Variants in GRIA2 observed in about 807,000 individuals in gnomAD.
GRIA2 encodes glutamate receptor 2.
Under a neutral mutation model 97.3 loss-of-function variants are expected in GRIA2, and 14 were observed. That is an observed-to-expected ratio of 0.14 (90% CI 0.10 to 0.23). The LOEUF is 0.23. GRIA2 is among the 10% of genes least tolerant of loss of function. The pLI is 1.00. For synonymous variants in GRIA2, 412 were observed against 387.8 expected (o/e 1.06, Z -0.73); for missense variants, 558 against 1,069.8 (o/e 0.52, Z 6.67).
At chr4:157,354,482 T>C (rs1211026721) in intron 12 of GRIA2, among the ~76,000 whole-genome samples, 1 of 152,190 alleles carries the variant, frequency 6.6e-6, no homozygotes, top group Non-Finnish European at 1.5e-5. Context: ...TGGACTGATA[T>C]GCCTATTAAT....
intron 2 of GRIA2, among the ~76,000 whole-genome samples, chr4:157,261,546 T>G (rs1731535244): frequency 6.6e-6 from 1 of 152,264 alleles, no homozygotes; most frequent in Admixed American, 6.5e-5. Flanking sequence ...TTGACTAAAC[T>G]TATTTAGCTA....
chr4:157,341,144 C>T, intron 11 of GRIA2, 120 bp from the exon 12 acceptor site: 1 of 700,068 alleles, frequency 1.4e-6, no homozygotes, highest in Non-Finnish European at 2.5e-6. Context: ...CTAGTAGATA[C>T]ATTGAAAAAT....
intron 2 of GRIA2, among the ~76,000 whole-genome samples, chr4:157,242,054 A>G (rs1197216868): frequency 6.6e-6 from 1 of 151,986 alleles, no homozygotes; most frequent in African/African-American, 2.4e-5. Flanking sequence ...TATATTCACA[A>G]TTTTATCTTT....
intron 12 of GRIA2, among the ~76,000 whole-genome samples, chr4:157,354,846 A>G (rs981940468): frequency 1.1e-4 from 17 of 152,172 alleles, no homozygotes; most frequent in African/African-American, 3.9e-4. Context: ...GAGCTTGGGC[A>G]GTGGCGCAAC....
intron 2 of GRIA2, among the ~76,000 whole-genome samples, chr4:157,275,641 C>T (rs1160304466): frequency 6.6e-6 from 1 of 152,102 alleles, no homozygotes; most frequent in Non-Finnish European, 1.5e-5. Flanking sequence ...TTCCCCATTT[C>T]TTGTTTTTGT....
chr4:157,307,638 G>A (rs1338022454), intron 3 of GRIA2, among the ~76,000 whole-genome samples: 1 of 152,136 alleles, frequency 6.6e-6, no homozygotes, highest in East Asian at 1.9e-4. Context: ...TTTATTTTTG[G>A]ATATATATGT....
intron 2 of GRIA2, among the ~76,000 whole-genome samples, chr4:157,284,523 C>T (rs1165963709): frequency 6.6e-6 from 1 of 151,734 alleles, no homozygotes; most frequent in Non-Finnish European, 1.5e-5. Context: ...ATGCGGCACC[C>T]AGTTCAAGAC....
chr4:157,332,764 C>A, intron 6 of GRIA2, 55 bp from the exon 7 acceptor site: 3 of 1,313,876 alleles, frequency 2.3e-6, no homozygotes, highest in South Asian at 2.5e-5. Flanking sequence ...TGCTGGGGTG[C>A]AGTGAGTTTC....
chr4:157,249,759 T>C (rs1730942301), intron 2 of GRIA2: 1 of 152,184 alleles, frequency 6.6e-6, no homozygotes, highest in Non-Finnish European at 1.5e-5. Flanking sequence ...ACGCTAAGGA[T>C]GTATTTACTG....
chr4:157,221,689 C>G lies in GRIA2; in HGVS notation c.111C>G (p.Ala37=). The G allele has an allele frequency of 6.2e-7, 1 of 1,613,952 alleles. No homozygotes were observed. Among genetic ancestry groups the G allele is most frequent in the Non-Finnish European group, 8.5e-7 (1 of 1,179,916 alleles). Residue 37 remains alanine (A), a synonymous_variant, in exon 2 of 16, where the codon GCC becomes GCG. Transcript: ENST00000264426. The part of the protein sequence containing the change: ...IQIGGLFPRG[A]DQEYSAFRVG... The stretch of plus-strand genomic sequence containing the variant: ...CAGGGGGGCTATTTCCTAGGGGCGC[C>G]GATCAAGAATACAGTGCATTTCGAG...
At chr4:157,304,587 T>C (rs1733756807) in intron 3 of GRIA2, among the ~76,000 whole-genome samples, 1 of 152,138 alleles carries the variant, frequency 6.6e-6, no homozygotes, top group African/African-American at 2.4e-5. Context: ...CTTGTGTGTG[T>C]GTGTTCATAT....
At position 157,361,629 on chromosome 4, in the gene GRIA2, G is replaced by A; in HGVS notation, c.2406+505G>A. ...ATGGTGGTACGATAAAGGTGAATGT[G>A]GAGCCAAGGACTCTGGAAGTAAGGT... On this transcript the variant is annotated intron_variant, in intron 14 of 15. Coordinates refer to ENST00000264426, the MANE Select transcript of GRIA2 (RefSeq NM_001083619.3). The surrounding 1 kb of genome is among the most constrained non-coding windows in gnomAD (Gnocchi z 5.2). 1.9e-6 allele frequency: 3 copies of A among 1,611,864 alleles called. 1 individual carries two copies. In the South Asian group the frequency reaches 3.3e-5, roughly 18 times the overall value.
chr4:157,321,721 A>G (rs1210043294), intron 6 of GRIA2, 122 bp downstream of exon 6: 1 of 628,036 alleles, frequency 1.6e-6, no homozygotes, highest in South Asian at 2.1e-5. Context: ...AAATATGGCA[A>G]ACATATTGAC....
chr4:157,288,222 C>T (rs1243172270), intron 2 of GRIA2, among the ~76,000 whole-genome samples: 1 of 151,536 alleles, frequency 6.6e-6, no homozygotes, highest in Non-Finnish European at 1.5e-5. Flanking sequence ...AATTGAATCT[C>T]TAAATTGAAA....
intron 12 of GRIA2, among the ~76,000 whole-genome samples, chr4:157,352,883 A>G (rs868220763): frequency 9.9e-5 from 15 of 151,770 alleles, no homozygotes; most frequent in African/African-American, 3.6e-4. Context: ...GCATAGTGAA[A>G]CCCTGTCTCT....
At chr4:157,344,478 T>C (rs1735683904) in intron 12 of GRIA2, among the ~76,000 whole-genome samples, 1 of 152,078 alleles carries the variant, frequency 6.6e-6, no homozygotes, top group Non-Finnish European at 1.5e-5. Flanking sequence ...AAAGCCAGGC[T>C]GAAAACATGT....
At chr4:157,332,738 C>A in intron 6 of GRIA2, 81 bp from the exon 7 acceptor site, 1 of 944,946 alleles carries the variant, frequency 1.1e-6, no homozygotes, top group East Asian at 2.5e-5. Flanking sequence ...GTGTGCTGAG[C>A]AACTGCAGTC....
chr4:157,237,580 C>T lies in GRIA2; in HGVS notation c.229+15773C>T, dbSNP rs143469841. On this transcript the variant is annotated intron_variant, in intron 2 of 15. Coordinates refer to ENST00000264426, the MANE Select transcript of GRIA2 (RefSeq NM_001083619.3). ...TAGGTGTGAGCCACTGCACTTGGCC[C>T]AGATTTTTTTCTTAAGTAAATAATT... is the stretch of plus-strand genomic sequence containing the variant. 5.1e-4 allele frequency among the ~76,000 whole-genome samples: 77 copies of T among 152,156 alleles called. No homozygotes were observed. The Middle Eastern group carries it at 0.01, about 20-fold the overall frequency.
rs553044907 is a variant in GRIA2 at position 157,305,491 on chromosome 4, A to G, written c.469+1700A>G. Among the ~76,000 whole-genome samples the G allele has an allele frequency of 4.6e-5, 7 of 152,272 alleles. No homozygotes were observed. The South Asian group carries it at 1.5e-3, about 32-fold the overall frequency. On this transcript the variant is annotated intron_variant, in intron 3 of 15. Coordinates refer to ENST00000264426, the MANE Select transcript of GRIA2 (RefSeq NM_001083619.3). ...TCAATAGCTTCTCATTATGATGAGG[A>G]TAACATTGAAAAATTTTAGTTGGCT...
Sources: allele counts gnomAD v4.1 joint callset (sites outside exome capture counted in the v4.1 genomes callset), GRCh38; gene constraint gnomAD v4.1.1; non-coding constraint Gnocchi (gnomAD v3.1); transcripts MANE v1.5; gene names NCBI Gene and HGNC (gene_info 2026-07-23, HGNC 2026-07-21).